DEPTOR: variants seen among roughly 807,000 people sequenced by gnomAD.
The protein encoded by DEPTOR is DEP domain containing MTOR interacting protein, also known as DEP domain-containing mTOR-interacting protein.
DEPTOR carries 41 observed loss-of-function variants against 41.6 expected under a neutral mutation model. That is an observed-to-expected ratio of 0.98 (90% CI 0.77 to 1.28). The LOEUF (loss-of-function observed/expected upper bound fraction) is 1.28, where lower values mean the gene tolerates loss of function less well. Ranked by LOEUF, DEPTOR falls within the 50% of genes most tolerant of loss-of-function variation. DEPTOR has a pLI of 0.00. For missense variants in DEPTOR, 514 were observed against 527.9 expected, an observed-to-expected ratio of 0.97 and a Z score of 0.26; for synonymous variants, 195 against 192.3, an observed-to-expected ratio of 1.01 and a Z score of -0.12.
chr8:119,996,949 A>G (rs553542997), intron 4 of DEPTOR, among the ~76,000 whole-genome samples: 35 of 152,200 alleles, frequency 2.3e-4, no homozygotes, highest in Non-Finnish European at 4.7e-4. Context: ...ATTACTGAGT[A>G]TAGCGATGTA....
intron 8 of DEPTOR, among the ~76,000 whole-genome samples, chr8:120,011,144 T>C (rs1316629282): frequency 6.6e-6 from 1 of 152,196 alleles, no homozygotes; most frequent in African/African-American, 2.4e-5. Context: ...GTTTGCATGC[T>C]GGAAAAAATA....
chr8:119,880,496 G>A (rs2129672514), intron 1 of DEPTOR, among the ~76,000 whole-genome samples: 1 of 152,244 alleles, frequency 6.6e-6, no homozygotes, highest in South Asian at 2.1e-4. Flanking sequence ...TTCCCAACTA[G>A]TGACTTAGAG....
chr8:120,042,247 G>A (rs1020986782), intron 8 of DEPTOR, among the ~76,000 whole-genome samples: 1 of 152,136 alleles, frequency 6.6e-6, no homozygotes, highest in Non-Finnish European at 1.5e-5. Flanking sequence ...GTTTGTGCCT[G>A]TGTGCTTTTG....
chr8:119,965,136 A>T, intron 3 of DEPTOR, 96 bp from the exon 4 acceptor site: 1 of 1,337,388 alleles, frequency 7.5e-7, no homozygotes, highest in Non-Finnish European at 1.0e-6. Context: ...TCTGTCTGAC[A>T]ACTTTGCTGT....
chr8:120,050,483 G>A lies in DEPTOR; in HGVS notation c.*779G>A, dbSNP rs1813219890. 6.6e-6 allele frequency: 1 copy of A among 152,114 alleles called. No homozygotes were observed. Among genetic ancestry groups the A allele is most frequent in the Non-Finnish European group, 1.5e-5 (1 of 68,008 alleles). 9.4% of individuals were successfully genotyped at this position (152,114 alleles called of 1,614,324 possible). A position where few individuals can be genotyped will look rare whatever the true frequency, so the allele number is the denominator to read the frequency against. ...GTTGAATGTTAAAATAGAGAAGTTT[G>A]TATATACACATAATTAAAAATCAAC... On this transcript the variant is annotated 3_prime_UTR_variant, in exon 9 of 9. Transcript: ENST00000286234.
In DEPTOR at chr8:119,877,792, T is replaced by C. The variant is rs189677766; in HGVS notation, c.122+3824T>C. Among the ~76,000 whole-genome samples the C allele has an allele frequency of 2.6e-5, 4 of 152,320 alleles. No individual in the cohort carries two copies. In the East Asian group the frequency reaches 7.7e-4, roughly 29 times the overall value. ...ATATCTTCCCACATAAGATTTGTGGTAGTGGATCAAATAGGGTACAGCATG... is the reference window on the plus strand; with the variant it reads ...ATATCTTCCCACATAAGATTTGTGGCAGTGGATCAAATAGGGTACAGCATG... On this transcript the variant is annotated intron_variant, in intron 1 of 8. Transcript: ENST00000286234.
intron 4 of DEPTOR, among the ~76,000 whole-genome samples, chr8:119,993,706 A>C (rs575263406): frequency 7.0e-4 from 106 of 152,332 alleles, no homozygotes; most frequent in African/African-American, 2.4e-3. Context: ...TAAGACTTAC[A>C]GGCACAAACT....
At chr8:119,930,685 A>G (rs1303694811) in intron 3 of DEPTOR, among the ~76,000 whole-genome samples, 1 of 152,158 alleles carries the variant, frequency 6.6e-6, no homozygotes, top group East Asian at 1.9e-4. Flanking sequence ...TATGAGGAAC[A>G]AGTTTCAGCC....
chr8:119,928,254 A>G, intron 1 of DEPTOR, 146 bp from the exon 2 acceptor site: 3 of 803,586 alleles, frequency 3.7e-6, no homozygotes, highest in Non-Finnish European at 3.8e-6. Flanking sequence ...GAACTCTGAC[A>G]GTATGGAAAT....
chr8:119,945,995 C>G (rs1181138778), intron 3 of DEPTOR, among the ~76,000 whole-genome samples: 1 of 152,146 alleles, frequency 6.6e-6, no homozygotes, highest in Non-Finnish European at 1.5e-5. Flanking sequence ...GCTTTGTCCA[C>G]GCAAACCAAG....
In DEPTOR at chr8:120,006,786, C is replaced by T. The variant is rs576627018; in HGVS notation, c.926-19C>T. On this transcript the variant is annotated intron_variant, in intron 6 of 8. Transcript: ENST00000286234. The stretch of plus-strand genomic sequence containing the variant: ...GGACTTGGAAGTGCTTATGTCTTGA[C>T]ATTGTGTTTGTCTGCCAGTGCTGAA... The T allele has an allele frequency of 3.1e-6, 5 of 1,612,782 alleles. No homozygotes were observed. The highest frequency in any genetic ancestry group is 1.1e-5 in the South Asian group (1 of 91,036).
At chr8:119,985,384 C>G (rs566366867) in intron 4 of DEPTOR, among the ~76,000 whole-genome samples, 152 of 152,128 alleles carry the variant, frequency 1.0e-3, no homozygotes, top group African/African-American at 3.5e-3. Flanking sequence ...ATATCCCTCA[C>G]CTACTTTTCA....
intron 8 of DEPTOR, among the ~76,000 whole-genome samples, chr8:120,020,880 G>A (rs1210035956): frequency 1.3e-5 from 2 of 151,798 alleles, no homozygotes; most frequent in South Asian, 2.1e-4. Context: ...CCAATGTGGC[G>A]AAACGCTGTC....
Position 119,955,891 on chromosome 8 carries a change from G to A in DEPTOR, c.426-9341G>A, listed in dbSNP as rs527568988. ...AGCTGGAAGAAGAAGGAAGGGGAGG[G>A]TGCGGGAGAAGAGAAGGAGAAGAAC... On this transcript the variant is annotated intron_variant, in intron 3 of 8. Coordinates refer to ENST00000286234, the MANE Select transcript of DEPTOR (RefSeq NM_022783.4). 2.6e-5 allele frequency among the ~76,000 whole-genome samples: 4 copies of A among 152,262 alleles called. No individual in the cohort carries two copies. The South Asian group carries it at 8.3e-4, about 32-fold the overall frequency.
chr8:120,030,838 C>T (rs1320693910), intron 8 of DEPTOR, among the ~76,000 whole-genome samples: 1 of 151,672 alleles, frequency 6.6e-6, no homozygotes, highest in Non-Finnish European at 1.5e-5. Context: ...CTCTGTCACC[C>T]AGGCTAGAGT....
intron 4 of DEPTOR, among the ~76,000 whole-genome samples, chr8:119,976,660 C>T (rs1828699425): frequency 6.6e-6 from 1 of 152,134 alleles, no homozygotes; most frequent in African/African-American, 2.4e-5. Flanking sequence ...AAAACTAATC[C>T]CTTCCAGCCA....
chr8:119,949,431 G>A (rs757252998), intron 3 of DEPTOR, among the ~76,000 whole-genome samples: 4 of 152,252 alleles, frequency 2.6e-5, no homozygotes, highest in Middle Eastern at 3.4e-3. Context: ...TGTGTTCAAC[G>A]ATTTGAAGAA....
chr8:120,032,255 G>A (rs906771282), intron 8 of DEPTOR, among the ~76,000 whole-genome samples: 1 of 119,154 alleles, frequency 8.4e-6, no homozygotes, highest in Non-Finnish European at 1.6e-5. Flanking sequence ...GTCTTGCTCT[G>A]TCACCCAGGT....
rs543857568 is a variant in DEPTOR at position 119,889,637 on chromosome 8, G to T, written c.122+15669G>T. Among the ~76,000 whole-genome samples the T allele has an allele frequency of 9.2e-3, 915 of 99,438 alleles. 37 individuals are homozygous for T. Among genetic ancestry groups the T allele is most frequent in the African/African-American group, 0.033 (853 of 25,904 alleles). 65.2% of individuals were successfully genotyped at this position (99,438 alleles called of 152,430 possible). A position where few individuals can be genotyped will look rare whatever the true frequency, so the allele number is the denominator to read the frequency against. On this transcript the variant is annotated intron_variant, in intron 1 of 8. Coordinates refer to ENST00000286234, the MANE Select transcript of DEPTOR (RefSeq NM_022783.4). ...GACGGGAGGGGAGGGAAGGGAAGGG[G>T]AGGGGAGGGGAGGATGGGGAGGGGA...
Sources: allele counts gnomAD v4.1 joint callset (sites outside exome capture counted in the v4.1 genomes callset), GRCh38; gene constraint gnomAD v4.1.1; transcripts MANE v1.5; gene names NCBI Gene and HGNC (gene_info 2026-07-23, HGNC 2026-07-21).